APLP2: variants seen among roughly 807,000 people sequenced by gnomAD.
The protein encoded by APLP2 is amyloid beta precursor like protein 2.
A neutral mutation model predicts 89.9 loss-of-function variants in APLP2; 53 were observed. The observed-to-expected ratio is 0.59, with a 90% CI of 0.47 to 0.74. The LOEUF (loss-of-function observed/expected upper bound fraction) is 0.74. Ranked by LOEUF, APLP2 falls within the 30% of genes least tolerant of loss-of-function variation. APLP2 has a pLI of 0.00. For synonymous variants in APLP2, 372 were observed against 348.6 expected (o/e 1.07, Z -0.75); for missense variants, 973 against 975.9 (o/e 1.00, Z 0.04).
At chr11:130,088,583 C>T (rs1313437683) in intron 1 of APLP2, among the ~76,000 whole-genome samples, 1 of 152,028 alleles carries the variant, frequency 6.6e-6, no homozygotes, top group East Asian at 1.9e-4. Context: ...CTCTGCTTCA[C>T]TAACTTTAAA....
intron 3 of APLP2, among the ~76,000 whole-genome samples, chr11:130,117,470 T>C (rs1949326895): frequency 6.6e-6 from 1 of 151,408 alleles, no homozygotes; most frequent in African/African-American, 2.4e-5. Context: ...TGAGACGGAG[T>C]CTCTTGCCCA....
At position 130,109,488 on chromosome 11, in the gene APLP2, T is replaced by A; in HGVS notation, c.165T>A (p.Phe55Leu). 6.2e-7 allele frequency: 1 copy of A among 1,614,022 alleles called. No individual in the cohort carries two copies. Among genetic ancestry groups the A allele is most frequent in the East Asian group, 2.2e-5 (1 of 44,858 alleles). Residue 55 changes from phenylalanine to leucine, a missense_variant, in exon 2 of 17, where the codon TTT becomes TTA. Coordinates refer to ENST00000338167, the MANE Select transcript of APLP2 (RefSeq NM_001142276.2). The part of the protein sequence containing the change: ...FAVAEPQIAM[F>L]CGKLNMHVNI... Reference sequence around the variant, plus strand: ...TTGCTGAGCCTCAAATCGCAATGTTTTGTGGGAAGTTAAATATGCATGTGA... The same window carrying A: ...TTGCTGAGCCTCAAATCGCAATGTTATGTGGGAAGTTAAATATGCATGTGA...
At chr11:130,079,463 A>G (rs1942775563) in intron 1 of APLP2, among the ~76,000 whole-genome samples, 1 of 152,184 alleles carries the variant, frequency 6.6e-6, no homozygotes, top group South Asian at 2.1e-4. Flanking sequence ...ATTTCTGCAT[A>G]GAGATCTTGT....
At chr11:130,105,501 A>G (rs147087961) in intron 1 of APLP2, among the ~76,000 whole-genome samples, 2 of 152,324 alleles carry the variant, frequency 1.3e-5, no homozygotes, top group Non-Finnish European at 2.9e-5. Flanking sequence ...GAAAAGAACA[A>G]CATGGTAGAC....
chr11:130,084,554 T>G (rs1943788366), intron 1 of APLP2, among the ~76,000 whole-genome samples: 1 of 152,120 alleles, frequency 6.6e-6, no homozygotes, highest in Admixed American at 6.6e-5. Flanking sequence ...GGGTGGAAAT[T>G]AAACACACCC....
chr11:130,109,450 A>G lies in APLP2; in HGVS notation c.127A>G (p.Thr43Ala), dbSNP rs1297714949. The G allele has an allele frequency of 6.2e-7, 1 of 1,612,598 alleles. No individual in the cohort carries two copies. The highest frequency in any genetic ancestry group is 1.1e-5 in the South Asian group (1 of 90,738). ...YIEALAANAG[T>A]GFAVAEPQIA... ...GTAGGCTCTTGCAGCCAATGCCGGA[A>G]CAGGATTTGCTGTTGCTGAGCCTCA... Residue 43 changes from threonine (T) to alanine (A), a missense_variant, in exon 2 of 17, where the codon ACA becomes GCA. By Grantham distance (58) the Thr-to-Ala change is moderately conservative (BLOSUM62 0). Transcript: ENST00000338167.
chr11:130,134,337 C>A (rs1456545072), intron 12 of APLP2, among the ~76,000 whole-genome samples: 1 of 152,124 alleles, frequency 6.6e-6, no homozygotes, highest in South Asian at 2.1e-4. Context: ...GGCCTGAGAT[C>A]CGAATGGTAA....
chr11:130,127,448 ATTG>A (rs1950508953), intron 8 of APLP2, among the ~76,000 whole-genome samples: 2 of 152,150 alleles, frequency 1.3e-5, no homozygotes, highest in Non-Finnish European at 1.5e-5. Context: ...CAAAATGCTT[ATTG>A]TTTTATCCAC....
At chr11:130,136,280 C>A (rs1565602200) in intron 13 of APLP2, among the ~76,000 whole-genome samples, 1 of 152,130 alleles carries the variant, frequency 6.6e-6, no homozygotes, top group Non-Finnish European at 1.5e-5. Flanking sequence ...GAGAGCCGTC[C>A]CCCTCATCAG....
At chr11:130,142,174 A>G in intron 16 of APLP2, 100 bp downstream of exon 16, 2 of 1,309,348 alleles carry the variant, frequency 1.5e-6, no homozygotes, top group Non-Finnish European at 2.0e-6. Flanking sequence ...CGAGTACTGG[A>G]CATGCTGCTG....
At position 130,143,327 on chromosome 11, in the gene APLP2, C is replaced by T. The variant is rs1325320157; in HGVS notation, c.2155-20C>T. ...TCTCTTCCCAGACACCACAATGACC[C>T]TCAGGTTTTGTTCTTCCAGGTTGAT... On this transcript the variant is annotated intron_variant, in intron 16 of 16. Transcript: ENST00000338167. 2 of 1,610,102 alleles carry T rather than the reference C, an allele frequency of 1.2e-6. No homozygotes were observed. The highest frequency in any genetic ancestry group is 1.7e-6 in the Non-Finnish European group (2 of 1,176,804).
At chr11:130,098,506 C>T (rs1236045335) in intron 1 of APLP2, among the ~76,000 whole-genome samples, 8 of 152,110 alleles carry the variant, frequency 5.3e-5, no homozygotes, top group Non-Finnish European at 1.2e-4. Flanking sequence ...TTTCAGATCT[C>T]TGACATTGGT....
At chr11:130,111,447 C>CAGG (rs1346014604) in intron 3 of APLP2, among the ~76,000 whole-genome samples, 1 of 152,142 alleles carries the variant, frequency 6.6e-6, no homozygotes, top group Non-Finnish European at 1.5e-5. Context: ...TTAATGTAGA[C>CAGG]ATCCTGAGTG....
At chr11:130,111,380 A>T (rs865899333) in intron 3 of APLP2, among the ~76,000 whole-genome samples, 1 of 148,372 alleles carries the variant, frequency 6.7e-6, no homozygotes, top group African/African-American at 2.6e-5. Flanking sequence ...GAAACTTCAA[A>T]GGGCAAAAAA....
Position 130,070,022 on chromosome 11 carries a change from C to G in APLP2, c.45C>G (p.Leu15=), listed in dbSNP as rs1348057906. 3 of 1,512,082 alleles carry G rather than the reference C, an allele frequency of 2.0e-6. No homozygotes were observed. The highest frequency in any genetic ancestry group is 1.4e-5 in the African/African-American group (1 of 69,840). 93.7% of individuals were successfully genotyped at this position (1,512,082 alleles called of 1,614,324 possible). A position where few individuals can be genotyped will look rare whatever the true frequency, so the allele number is the denominator to read the frequency against. ...GTAAAAATGR[L]LLLLLVGLTA... is the part of the protein sequence containing the mutation. ...CGGCCGCCGCAGCCACGGGCAGGCT[C>G]CTGCTTCTGCTGCTGGTGGGGCTCA... Residue 15 remains leucine, a synonymous_variant, in exon 1 of 17, where the codon CTC becomes CTG. Transcript: ENST00000338167.
chr11:130,143,605 G>A lies in APLP2; in HGVS notation c.*157G>A. 1.7e-6 allele frequency: 1 copy of A among 591,660 alleles called. No homozygotes were observed. The highest frequency in any genetic ancestry group is 3.0e-6 in the Non-Finnish European group (1 of 331,506). The allele number at this position is 591,660 out of a possible 1,614,324, so 36.7% of individuals were successfully genotyped here. On this transcript the variant is annotated 3_prime_UTR_variant, in exon 17 of 17. Transcript: ENST00000338167. Reference sequence around the variant, plus strand: ...CTATATAAAGTACTACTGTAGAACTGCAATTTCCATTCTTTTAAATGGGTG... The same window carrying A: ...CTATATAAAGTACTACTGTAGAACTACAATTTCCATTCTTTTAAATGGGTG...
At chr11:130,126,880 A>G (rs560169829) in intron 8 of APLP2, 50 bp downstream of exon 8, 3 of 1,607,498 alleles carry the variant, frequency 1.9e-6, no homozygotes, top group South Asian at 2.2e-5. Flanking sequence ...TTTGGGTAGC[A>G]TGGTTCTCAT....
intron 12 of APLP2, 67 bp from the exon 13 acceptor site, chr11:130,135,495 AG>A: frequency 6.4e-7 from 1 of 1,555,018 alleles, no homozygotes; most frequent in Admixed American, 1.8e-5. Flanking sequence ...GGAGCTCTAG[AG>A]CATCCTGTGC....
chr11:130,138,003 A>G (rs1354288445), intron 13 of APLP2, among the ~76,000 whole-genome samples: 2 of 152,206 alleles, frequency 1.3e-5, no homozygotes, highest in African/African-American at 4.8e-5. Flanking sequence ...AGTTTCTGAG[A>G]TGACGTGACT....
Sources: gnomAD v4.1 joint callset for allele counts (sites outside exome capture counted in the v4.1 genomes callset) on GRCh38, gnomAD v4.1.1 for gene constraint, MANE v1.5 for transcripts, NCBI Gene and HGNC (gene_info 2026-07-23, HGNC 2026-07-21) for gene names.